The following FAM131B variants were observed in gnomAD, a reference collection of about 807,000 sequenced individuals.
FAM131B encodes the protein protein FAM131B.
In FAM131B, 19 loss-of-function variants were observed where a neutral mutation model predicts 42.0. The observed-to-expected ratio is 0.45, with a 90% CI of 0.32 to 0.66. The LOEUF is 0.66. Among genes scored for constraint, FAM131B ranks in the 30% least tolerant of loss-of-function variants. FAM131B has a pLI of 0.05. For synonymous variants in FAM131B, 183 were observed against 177.6 expected (o/e 1.03, Z -0.24); for missense variants, 370 against 468.4 (o/e 0.79, Z 1.94).
the FAM131B span, among the ~76,000 whole-genome samples, chr7:143,376,546 G>A: frequency 6.6e-6 from 1 of 152,222 alleles, no homozygotes; most frequent in South Asian, 2.1e-4. Context: ...TCTTGGGGGA[G>A]TGGCCCTTGG....
Position 143,358,782 on chromosome 7 carries a change from G to T in FAM131B, c.466+45C>A. 6.5e-7 allele frequency: 1 copy of T among 1,539,606 alleles called. No homozygotes were observed. Among genetic ancestry groups the T allele is most frequent in the Non-Finnish European group, 8.9e-7 (1 of 1,117,616 alleles). On this transcript the variant is annotated intron_variant, in intron 5 of 6. Coordinates refer to ENST00000443739, the MANE Select transcript of FAM131B (RefSeq NM_001031690.3). This position sits in a 1 kb window ranked among gnomAD's most constrained non-coding sequence, Gnocchi z 4.7. ...GGATCAGGTTGGAGGGTCGGTCCCT[G>T]GCCATCCTGCAAATGTGTCTCTTGA...
At chr7:143,377,837 C>T in the FAM131B span, among the ~76,000 whole-genome samples, 1 of 152,128 alleles carries the variant, frequency 6.6e-6, no homozygotes. Flanking sequence ...TCTTAGCCTC[C>T]TGAGTAGCTG....
At chr7:143,369,727 C>G in the FAM131B span, among the ~76,000 whole-genome samples, 1 of 149,474 alleles carries the variant, frequency 6.7e-6, no homozygotes, top group Admixed American at 6.6e-5. Flanking sequence ...GCATTCTTAC[C>G]AACCACAATA....
the FAM131B span, among the ~76,000 whole-genome samples, chr7:143,368,462 C>T: frequency 6.6e-6 from 1 of 152,170 alleles, no homozygotes. Context: ...TGATTGTCTC[C>T]GATGCCTGCC....
At chr7:143,381,083 A>G in the FAM131B span, 2 of 505,400 alleles carry the variant, frequency 4.0e-6, no homozygotes, top group Non-Finnish European at 5.0e-6. Context: ...TGGGGGTCTG[A>G]GCCGGGCTGG....
rs1337464225 is a variant in FAM131B at position 143,354,736 on chromosome 7, T to G, written c.*1814A>C. 1 of 152,302 alleles carries G rather than the reference T, an allele frequency of 6.6e-6. No homozygotes were observed. The highest frequency in any genetic ancestry group is 1.5e-5 in the Non-Finnish European group (1 of 68,130). The allele number at this position is 152,302 out of a possible 1,614,324, so 9.4% of individuals were successfully genotyped here. Reference sequence around the variant, plus strand: ...TTGGTTCACCTTGCCTACGCCCATGTTTCCTCCAAAAACCAACCTCAGGAT... The same window carrying G: ...TTGGTTCACCTTGCCTACGCCCATGGTTCCTCCAAAAACCAACCTCAGGAT... On this transcript the variant is annotated 3_prime_UTR_variant, in exon 7 of 7. Transcript: ENST00000443739.
At chr7:143,362,765 T>TCGCCGCCGC (rs559900593), upstream of FAM131B, 523 of 237,834 alleles carry the variant, frequency 2.2e-3, 2 homozygotes, top group African/African-American at 8.0e-3. This position sits in a 1 kb window ranked among gnomAD's most constrained non-coding sequence, Gnocchi z 7.7. Context: ...GGCAGCTCCG[T>TCGCCGCCGC]CGCCGCCGCC....
chr7:143,363,032 C>A (rs369744824), upstream of FAM131B, among the ~76,000 whole-genome samples: 30 of 152,194 alleles, frequency 2.0e-4, no homozygotes, highest in African/African-American at 6.5e-4. Context: ...AGGGCCTACC[C>A]CGAGGTTCTG....
rs1356502119 is a variant in FAM131B, at chr7:143,362,691, T to A, written c.-88A>T. On this transcript the variant is annotated 5_prime_UTR_variant, in exon 1 of 7. Coordinates refer to ENST00000443739, the MANE Select transcript of FAM131B (RefSeq NM_001031690.3). The surrounding 1 kb of genome is among the most constrained non-coding windows in gnomAD (Gnocchi z 7.7). ...GGAGCCGCGCCGCCGCCCCAGCCGC[T>A]CTGCAGCGCCGCGGCTGTCTCCGCT... 1.6e-6 allele frequency: 1 copy of A among 642,010 alleles called. No individual in the cohort carries two copies. The highest frequency in any genetic ancestry group is 1.9e-5 in the African/African-American group (1 of 51,514). 39.8% of individuals were successfully genotyped at this position (642,010 alleles called of 1,614,324 possible).
chr7:143,363,144 G>T (rs1205524208), upstream of FAM131B, among the ~76,000 whole-genome samples: 2 of 152,154 alleles, frequency 1.3e-5, no homozygotes, highest in Non-Finnish European at 2.9e-5. Flanking sequence ...ACCAAATTCC[G>T]CAAACACTTG....
chr7:143,376,931 A>C, the FAM131B span, among the ~76,000 whole-genome samples: 1 of 152,152 alleles, frequency 6.6e-6, no homozygotes, highest in Non-Finnish European at 1.5e-5. Flanking sequence ...TGTCCTCCTC[A>C]ATCTACTCCC....
chr7:143,379,197 T>C, the FAM131B span, among the ~76,000 whole-genome samples: 2 of 152,380 alleles, frequency 1.3e-5, no homozygotes, highest in East Asian at 1.9e-4. Context: ...CTTGAAATCA[T>C]CTTCTTAACT....
chr7:143,362,535 CG>C lies in FAM131B; in HGVS notation c.28+40del. The C allele has an allele frequency of 1.2e-5, 13 of 1,117,898 alleles. No homozygotes were observed. Among genetic ancestry groups the C allele is most frequent in the African/African-American group, 1.6e-5 (1 of 61,906 alleles). The allele number at this position is 1,117,898 out of a possible 1,614,324, so 69.2% of individuals were successfully genotyped here. A position where few individuals can be genotyped will look rare whatever the true frequency, so the allele number is the denominator to read the frequency against. On this transcript the variant is annotated intron_variant, in intron 1 of 6. Coordinates refer to ENST00000443739, the MANE Select transcript of FAM131B (RefSeq NM_001031690.3). This position sits in a 1 kb window ranked among gnomAD's most constrained non-coding sequence, Gnocchi z 7.7. ...TGGGGGAGGGGGTCGGAGGGCGGCCCGGGGGGCCCAGCCCTGCCCCCGCCCG... is the reference window on the plus strand; with the variant it reads ...TGGGGGAGGGGGTCGGAGGGCGGCCCGGGGGCCCAGCCCTGCCCCCGCCCG...
In FAM131B at chr7:143,362,047, G is replaced by C; in HGVS notation, c.28+529C>G. ...AAAGCGAATCGGAGGAGGCAGGAACGACAGTAAAAGGCAACGGAGAGGGAG... is the reference window on the plus strand; with the variant it reads ...AAAGCGAATCGGAGGAGGCAGGAACCACAGTAAAAGGCAACGGAGAGGGAG... On this transcript the variant is annotated intron_variant, in intron 1 of 6. Coordinates refer to ENST00000443739, the MANE Select transcript of FAM131B (RefSeq NM_001031690.3). The surrounding 1 kb of genome is among the most constrained non-coding windows in gnomAD (Gnocchi z 7.7). The C allele has an allele frequency of 2.0e-6, 2 of 985,078 alleles. No individual in the cohort carries two copies. Among genetic ancestry groups the C allele is most frequent in the Non-Finnish European group, 2.4e-6 (2 of 829,578 alleles). The allele number at this position is 985,078 out of a possible 1,614,324, so 61.0% of individuals were successfully genotyped here.
chr7:143,374,584 C>G, the FAM131B span, among the ~76,000 whole-genome samples: 1 of 152,196 alleles, frequency 6.6e-6, no homozygotes, highest in Non-Finnish European at 1.5e-5. Flanking sequence ...GCGGTAGTTC[C>G]CCATTGCTCT....
At chr7:143,380,759 A>G in the FAM131B span, 5 of 985,236 alleles carry the variant, frequency 5.1e-6, no homozygotes, top group South Asian at 4.7e-5. This position sits in a 1 kb window ranked among gnomAD's most constrained non-coding sequence, Gnocchi z 5.0. Flanking sequence ...TGGGAGGGAG[A>G]ACGCCCCGCT....
At chr7:143,378,634 C>T in the FAM131B span, among the ~76,000 whole-genome samples, 9 of 142,496 alleles carry the variant, frequency 6.3e-5, no homozygotes, top group Non-Finnish European at 1.0e-4. Flanking sequence ...AGTGCAGTGG[C>T]GTGATCTTGG....
At chr7:143,380,178 CCTT>C in the FAM131B span, 1 of 984,694 alleles carries the variant, frequency 1.0e-6, no homozygotes, top group Admixed American at 6.2e-5. The surrounding 1 kb of genome is among the most constrained non-coding windows in gnomAD (Gnocchi z 5.0). Context: ...GGCCATGACT[CCTT>C]AGTTTGGAGA....
the FAM131B span, chr7:143,380,444 C>T: frequency 2.3e-5 from 23 of 985,332 alleles, no homozygotes; most frequent in Admixed American, 8.0e-4. This position sits in a 1 kb window ranked among gnomAD's most constrained non-coding sequence, Gnocchi z 5.0. Flanking sequence ...CCCGGGGTCT[C>T]CAAGAGGAGT....
Sources: gnomAD v4.1 joint callset for allele counts (sites outside exome capture counted in the v4.1 genomes callset) on GRCh38, gnomAD v4.1.1 for gene constraint, Gnocchi (gnomAD v3.1) non-coding constraint, MANE v1.5 for transcripts, NCBI Gene and HGNC (gene_info 2026-07-23, HGNC 2026-07-21) for gene names.